The following CEP128 variants were observed in gnomAD, a reference collection of about 807,000 sequenced individuals.
CEP128 encodes centrosomal protein 128kDa.
In CEP128, 132 loss-of-function variants were observed where a neutral mutation model predicts 156.7. That is an observed-to-expected ratio of 0.84 (90% CI 0.73 to 0.97). The LOEUF (loss-of-function observed/expected upper bound fraction) is 0.97, where lower values mean the gene tolerates loss of function less well. Among genes scored for constraint, CEP128 ranks in the 50% least tolerant of loss-of-function variants. The pLI, the probability that CEP128 is intolerant of heterozygous loss-of-function variation, is 0.00. For missense variants in CEP128, 1,252 were observed against 1,281.9 expected (o/e 0.98, Z 0.36); for synonymous variants, 469 against 448.9 (o/e 1.04, Z -0.57).
chr14:80,511,539 A>G (rs1888257067), intron 23 of CEP128, among the ~76,000 whole-genome samples: 1 of 151,926 alleles, frequency 6.6e-6, no homozygotes, highest in African/African-American at 2.4e-5. Flanking sequence ...ATCTTTTCAA[A>G]AAAACAACTT....
At chr14:80,668,701 G>A (rs965896384) in intron 19 of CEP128, among the ~76,000 whole-genome samples, 1 of 152,086 alleles carries the variant, frequency 6.6e-6, no homozygotes, top group Non-Finnish European at 1.5e-5. Flanking sequence ...ATCCCAAGCT[G>A]GCCTGAAATA....
At position 80,691,885 on chromosome 14, in the gene CEP128, A is replaced by T. The variant is rs192841306; in HGVS notation, c.2806+51190T>A. On this transcript the variant is annotated intron_variant, in intron 19 of 24. Coordinates refer to ENST00000555265, the MANE Select transcript of CEP128 (RefSeq NM_152446.5). ...AAATATTTAATAAAATTTTGTAACC[A>T]TCTTGAATCAGGGAATATCATCCAA... Among the ~76,000 whole-genome samples, 5 of 152,376 alleles carry T rather than the reference A, an allele frequency of 3.3e-5. No homozygotes were observed. In the East Asian group the frequency reaches 9.6e-4, roughly 29 times the overall value.
At chr14:80,657,470 G>A (rs576048464) in intron 19 of CEP128, among the ~76,000 whole-genome samples, 1 of 151,648 alleles carries the variant, frequency 6.6e-6, no homozygotes, top group South Asian at 2.1e-4. Flanking sequence ...GGTCAACATG[G>A]CGAAACTCTG....
At chr14:80,866,926 G>A (rs1158567319) in intron 8 of CEP128, among the ~76,000 whole-genome samples, 1 of 152,122 alleles carries the variant, frequency 6.6e-6, no homozygotes, top group East Asian at 1.9e-4. Flanking sequence ...TGAAACCGAG[G>A]ATAGTATCAA....
At chr14:80,861,222 G>A (rs1197726574) in intron 9 of CEP128, among the ~76,000 whole-genome samples, 1 of 151,836 alleles carries the variant, frequency 6.6e-6, no homozygotes, top group Non-Finnish European at 1.5e-5. Flanking sequence ...TAAAATTAGT[G>A]AGCAAAAGTA....
chr14:80,682,179 A>C (rs10139136), intron 19 of CEP128, among the ~76,000 whole-genome samples: 128,597 of 152,198 alleles, frequency 0.84, 54,539 homozygotes, highest in East Asian at 0.98. Context: ...TCAAGGAGAT[A>C]CAAGAAAAGT....
intron 13 of CEP128, among the ~76,000 whole-genome samples, chr14:80,822,958 G>A (rs148981753): frequency 8.5e-5 from 13 of 152,228 alleles, no homozygotes; most frequent in South Asian, 4.1e-4. Flanking sequence ...AGGGGCATAC[G>A]TCACTAACAG....
intron 19 of CEP128, among the ~76,000 whole-genome samples, chr14:80,603,343 G>C (rs1004291351): frequency 6.6e-6 from 1 of 152,194 alleles, no homozygotes; most frequent in African/African-American, 2.4e-5. Flanking sequence ...CCAGAGGCTG[G>C]AGGGAGGGAT....
chr14:80,605,670 T>C (rs1029041952), intron 19 of CEP128, among the ~76,000 whole-genome samples: 1 of 152,060 alleles, frequency 6.6e-6, no homozygotes, highest in Admixed American at 6.6e-5. Context: ...ATTTGTCAGA[T>C]CACTTTCTTT....
intron 24 of CEP128, among the ~76,000 whole-genome samples, chr14:80,499,149 C>T (rs1887625532): frequency 6.6e-6 from 1 of 152,182 alleles, no homozygotes; most frequent in South Asian, 2.1e-4. Context: ...TTATCAGTGT[C>T]CTAGTGTTTT....
At chr14:80,535,160 C>T (rs1889426544) in intron 21 of CEP128, among the ~76,000 whole-genome samples, 2 of 152,122 alleles carry the variant, frequency 1.3e-5, no homozygotes, top group Non-Finnish European at 2.9e-5. Flanking sequence ...AATTTGAATA[C>T]ACTTCCTAAT....
intron 7 of CEP128, among the ~76,000 whole-genome samples, chr14:80,896,755 T>A (rs1234120438): frequency 6.6e-6 from 1 of 152,184 alleles, no homozygotes; most frequent in Non-Finnish European, 1.5e-5. Flanking sequence ...ACTTATCACA[T>A]CATTGATATT....
intron 23 of CEP128, among the ~76,000 whole-genome samples, chr14:80,518,789 A>G (rs542388095): frequency 2.6e-4 from 39 of 152,218 alleles, no homozygotes; most frequent in Non-Finnish European, 5.1e-4. Context: ...AAGTTCTAAT[A>G]TAAGTCTTCA....
rs1364495164 is a variant in CEP128, at chr14:80,792,963, C to A, written c.1357G>T (p.Asp453Tyr). Reference sequence around the variant, plus strand: ...TACCGCTCAGCCTGCTTGGTTGCATCCTCCGCATGGCGAGTCAGCTCTGAG... The same window carrying A: ...TACCGCTCAGCCTGCTTGGTTGCATACTCCGCATGGCGAGTCAGCTCTGAG... ...QISELTRHAE[D>Y]ATKQAERYLS... Residue 453 changes from aspartate to tyrosine, a missense_variant, in exon 14 of 25, where the codon GAT (aspartate) becomes TAT (tyrosine). Transcript: ENST00000555265. The A allele has an allele frequency of 6.2e-7, 1 of 1,614,202 alleles. No homozygotes were observed. The highest frequency in any genetic ancestry group is 1.7e-5 in the Admixed American group (1 of 60,004).
At chr14:80,796,288 T>C (rs992803825) in intron 13 of CEP128, among the ~76,000 whole-genome samples, 3 of 152,082 alleles carry the variant, frequency 2.0e-5, no homozygotes, top group South Asian at 2.1e-4. Flanking sequence ...GCGAAACTCC[T>C]GTCTCTACTA....
In CEP128 at chr14:80,552,519, C is replaced by T. The variant is rs570644864; in HGVS notation, c.2880+6760G>A. On this transcript the variant is annotated intron_variant, in intron 21 of 24. Transcript: ENST00000555265. Reference sequence around the variant, plus strand: ...ATTTTGCAGTAAAAAGCTTTTAAAACGTTCTACTAACATGTTTCAATTCCC... The same window carrying T: ...ATTTTGCAGTAAAAAGCTTTTAAAATGTTCTACTAACATGTTTCAATTCCC... Among the ~76,000 whole-genome samples, 200 of 152,138 alleles carry T rather than the reference C, an allele frequency of 1.3e-3. 1 individual carries two copies. Among genetic ancestry groups the T allele is most frequent in the African/African-American group, 4.6e-3 (190 of 41,494 alleles).
At chr14:80,586,923 A>G (rs150547269) in intron 19 of CEP128, among the ~76,000 whole-genome samples, 1 of 152,348 alleles carries the variant, frequency 6.6e-6, no homozygotes, top group East Asian at 1.9e-4. Context: ...GTATAACAAT[A>G]TGACTATATT....
In CEP128 at chr14:80,583,252, T is replaced by C. The variant is rs8010951; in HGVS notation, c.2807-2829A>G. Among the ~76,000 whole-genome samples the C allele has an allele frequency of 5.0e-3, 765 of 152,326 alleles. 13 individuals are homozygous for C. The highest frequency in any genetic ancestry group is 0.017 in the African/African-American group (721 of 41,584). ...AAAACAACCGAAGAATTCCTAGAAT[T>C]TTAAATTTTAAATAAATATTCTCCC... On this transcript the variant is annotated intron_variant, in intron 19 of 24. Coordinates refer to ENST00000555265, the MANE Select transcript of CEP128 (RefSeq NM_152446.5).
At chr14:80,626,340 T>TACTA in intron 19 of CEP128, among the ~76,000 whole-genome samples, 1 of 151,264 alleles carries the variant, frequency 6.6e-6, no homozygotes, top group Admixed American at 6.6e-5. Context: ...GGCGGGCGCC[T>TACTA]GTAGTCCCAG....
Sources: gnomAD v4.1 joint callset for allele counts (sites outside exome capture counted in the v4.1 genomes callset) on GRCh38, gnomAD v4.1.1 for gene constraint, MANE v1.5 for transcripts, NCBI Gene and HGNC (gene_info 2026-07-23, HGNC 2026-07-21) for gene names.